The following ARID2 variants were observed in gnomAD, a reference collection of about 807,000 sequenced individuals.
The protein encoded by ARID2 is AT-rich interaction domain 2.
ARID2 carries 32 observed loss-of-function variants against 184.6 expected under a neutral mutation model. That is an observed-to-expected ratio of 0.17 (90% confidence interval 0.13 to 0.23). ARID2 has a LOEUF of 0.23. ARID2 is among the 10% of genes least tolerant of loss of function. The pLI is 1.00. For missense variants in ARID2, 1,696 were observed against 2,197.6 expected (o/e 0.77, Z 4.56); for synonymous variants, 836 against 772.6 (o/e 1.08, Z -1.36).
chr12:45,805,792 T>A (rs957987482), intron 3 of ARID2, among the ~76,000 whole-genome samples: 2 of 152,120 alleles, frequency 1.3e-5, no homozygotes, highest in African/African-American at 4.8e-5. Flanking sequence ...TAAGCAAATT[T>A]CAAATAAAGT....
At chr12:45,846,996 A>C in intron 12 of ARID2, 59 bp downstream of exon 12, 2 of 1,492,940 alleles carry the variant, frequency 1.3e-6, no homozygotes, top group Non-Finnish European at 1.9e-6. Flanking sequence ...AAAGAAAAAA[A>C]GGAAATGTAT....
chr12:45,740,730 A>C lies in ARID2; in HGVS notation c.284+9416A>C, dbSNP rs569856076. The stretch of plus-strand genomic sequence containing the variant: ...TATAGCAATCATATCCCCCAACCCC[A>C]TTCATTATCTTGTATTGCATGTAGT... On this transcript the variant is annotated intron_variant, in intron 3 of 20. Coordinates refer to ENST00000334344, the MANE Select transcript of ARID2 (RefSeq NM_152641.4). Among the ~76,000 whole-genome samples, 5 of 152,190 alleles carry C rather than the reference A, an allele frequency of 3.3e-5. No individual in the cohort carries two copies. The South Asian group carries it at 1.0e-3, about 32-fold the overall frequency.
chr12:45,860,887 G>A lies in ARID2; in HGVS notation c.4860G>A (p.Gln1620=), dbSNP rs758060968. Residue 1620 remains glutamine (Q), a synonymous_variant, in exon 16 of 21, where the codon CAG becomes CAA. Coordinates refer to ENST00000334344, the MANE Select transcript of ARID2 (RefSeq NM_152641.4). ...SQPSPFSGSS[Q]PGDPMRKPGQ... ...CTTCTCCATTCAGTGGATCCAGTCA[G>A]CCTGGAGATCCAATGAGAAAACCTG... is the stretch of plus-strand genomic sequence containing the variant. The A allele has an allele frequency of 1.9e-6, 3 of 1,604,076 alleles. No homozygotes were observed. The highest frequency in any genetic ancestry group is 2.6e-6 in the Non-Finnish European group (3 of 1,175,074).
In ARID2 at chr12:45,818,560, C is replaced by T. The variant is rs1333939866; in HGVS notation, c.637+672C>T. ...AGTTATTTCTTGCTTTCCGACTCTC[C>T]CCAACTCCAACCCCATTTTTTGCCA... On this transcript the variant is annotated intron_variant, in intron 5 of 20. Coordinates refer to ENST00000334344, the MANE Select transcript of ARID2 (RefSeq NM_152641.4). 7.2e-5 allele frequency among the ~76,000 whole-genome samples: 11 copies of T among 152,182 alleles called. No homozygotes were observed. The East Asian group carries it at 1.9e-3, about 27-fold the overall frequency.
At chr12:45,876,256 A>T (rs1425521327) in intron 16 of ARID2, among the ~76,000 whole-genome samples, 1 of 152,234 alleles carries the variant, frequency 6.6e-6, no homozygotes, top group Non-Finnish European at 1.5e-5. Context: ...TACTCAAAAG[A>T]CACATAACAT....
chr12:45,839,768 G>A (rs1277397798), intron 11 of ARID2: 2 of 298,756 alleles, frequency 6.7e-6, no homozygotes, highest in Non-Finnish European at 1.2e-5. Flanking sequence ...AATTACGATA[G>A]CTATAAGTGC....
chr12:45,865,600 A>T (rs1943819234), intron 16 of ARID2, among the ~76,000 whole-genome samples: 1 of 152,126 alleles, frequency 6.6e-6, no homozygotes, highest in Non-Finnish European at 1.5e-5. Flanking sequence ...CTCTGTGCCC[A>T]AATTGTAGAA....
chr12:45,783,464 G>A (rs1045187107), intron 3 of ARID2, among the ~76,000 whole-genome samples: 5 of 152,206 alleles, frequency 3.3e-5, no homozygotes, highest in Admixed American at 2.6e-4. Flanking sequence ...GCTCAATGGT[G>A]AAATGTTAGA....
At chr12:45,782,076 A>G (rs1318045483) in intron 3 of ARID2, among the ~76,000 whole-genome samples, 2 of 152,160 alleles carry the variant, frequency 1.3e-5, no homozygotes, top group Non-Finnish European at 2.9e-5. Flanking sequence ...AAGGAGGGAC[A>G]CTAGTAAGTT....
At chr12:45,807,681 T>C (rs1446551069) in intron 3 of ARID2, among the ~76,000 whole-genome samples, 2 of 152,182 alleles carry the variant, frequency 1.3e-5, no homozygotes, top group African/African-American at 2.4e-5. Context: ...GGTTAGAAAA[T>C]GTGCCCTATA....
intron 3 of ARID2, among the ~76,000 whole-genome samples, chr12:45,777,236 G>T (rs886822259): frequency 1.3e-5 from 2 of 152,026 alleles, no homozygotes; most frequent in Admixed American, 6.6e-5. Flanking sequence ...TATTCTAAAA[G>T]TTCATAGTAT....
chr12:45,739,151 G>A (rs570950078), intron 3 of ARID2, among the ~76,000 whole-genome samples: 87 of 151,376 alleles, frequency 5.7e-4, no homozygotes, highest in Middle Eastern at 3.4e-3. Flanking sequence ...TTGTTTTTTT[G>A]CTTTTTTAGT....
At chr12:45,865,083 T>C (rs1943811834) in intron 16 of ARID2, among the ~76,000 whole-genome samples, 1 of 152,200 alleles carries the variant, frequency 6.6e-6, no homozygotes, top group Admixed American at 6.5e-5. Flanking sequence ...AGTGAAAGCC[T>C]CTTCAAGTGG....
At chr12:45,839,288 A>T (rs770234769) in intron 10 of ARID2, 41 bp from the exon 11 acceptor site, 1 of 1,526,598 alleles carries the variant, frequency 6.6e-7, no homozygotes, top group Admixed American at 1.9e-5. Context: ...ATTCATTTAT[A>T]ATATTATTGA....
chr12:45,777,657 C>T (rs1239069753), intron 3 of ARID2, among the ~76,000 whole-genome samples: 1 of 151,812 alleles, frequency 6.6e-6, no homozygotes, highest in Non-Finnish European at 1.5e-5. Flanking sequence ...ATAGGTGCTA[C>T]ATATTTTATT....
chr12:45,893,862 T>A (rs1944335484), intron 20 of ARID2, 141 bp downstream of exon 20: 1 of 675,928 alleles, frequency 1.5e-6, no homozygotes, highest in African/African-American at 1.9e-5. Context: ...TATGCCTAGG[T>A]CAGGCCATGA....
intron 5 of ARID2, among the ~76,000 whole-genome samples, chr12:45,819,255 G>T (rs1304388554): frequency 6.6e-6 from 1 of 152,110 alleles, no homozygotes; most frequent in Non-Finnish European, 1.5e-5. Context: ...ACAAGACCTT[G>T]TTTAGACCTA....
intron 16 of ARID2, among the ~76,000 whole-genome samples, chr12:45,879,238 C>T (rs530073675): frequency 3.3e-5 from 5 of 152,126 alleles, no homozygotes; most frequent in Admixed American, 6.5e-5. Flanking sequence ...CTAGAGAGGG[C>T]CCGTGTTTTC....
chr12:45,733,321 C>A (rs1426567335), intron 3 of ARID2, among the ~76,000 whole-genome samples: 1 of 152,170 alleles, frequency 6.6e-6, no homozygotes, highest in African/African-American at 2.4e-5. Flanking sequence ...ATATATGATG[C>A]TAGCTTTTAC....
Sources: allele counts gnomAD v4.1 joint callset (sites outside exome capture counted in the v4.1 genomes callset), GRCh38; gene constraint gnomAD v4.1.1; transcripts MANE v1.5; gene names NCBI Gene and HGNC (gene_info 2026-07-23, HGNC 2026-07-21).